Variants in TUSC3 observed in about 807,000 individuals in gnomAD.
The protein encoded by TUSC3 is tumor suppressor candidate 3.
Under a neutral mutation model 44.8 loss-of-function variants are expected in TUSC3, and 45 were observed. That is an observed-to-expected ratio of 1.00 (90% CI 0.79 to 1.29). TUSC3 has a LOEUF of 1.29. TUSC3 is among the 50% of genes most tolerant of loss of function. TUSC3 has a pLI of 0.00. For synonymous variants in TUSC3, 212 were observed against 152.9 expected, an observed-to-expected ratio of 1.39 and a Z score of -2.85; for missense variants, 519 against 437.9, an observed-to-expected ratio of 1.19 and a Z score of -1.65.
rs555995780 is a variant in TUSC3, at chr8:15,499,465, C to A, written n.189+15982C>A. 4.6e-5 allele frequency among the ~76,000 whole-genome samples: 7 copies of A among 152,240 alleles called. No homozygotes were observed. In the East Asian group the frequency reaches 1.4e-3, roughly 29 times the overall value. On this transcript the variant is annotated intron_variant and non_coding_transcript_variant, in intron 2 of 5. Coordinates refer to the TUSC3 transcript ENST00000503191. The stretch of plus-strand genomic sequence containing the variant: ...TGACCTCAGCAATCAGGTAATAATT[C>A]TTCTGATATCTATCACTACAGAGCA...
the TUSC3 span, among the ~76,000 whole-genome samples, chr8:15,827,687 C>T: frequency 6.6e-6 from 1 of 152,012 alleles, no homozygotes; most frequent in African/African-American, 2.4e-5. Context: ...TTTTATAAAC[C>T]AGATTATCTT....
intron 10 of TUSC3, chr8:15,758,333 A>G (rs1209497460): frequency 5.3e-6 from 4 of 747,852 alleles, no homozygotes; most frequent in African/African-American, 1.9e-5. Context: ...TCAGAAACAG[A>G]TAGTAGGTAC....
chr8:15,835,593 GTTTTA>G, the TUSC3 span, among the ~76,000 whole-genome samples: 2 of 152,082 alleles, frequency 1.3e-5, no homozygotes, highest in Admixed American at 1.3e-4. Flanking sequence ...ATAAGTTCAA[GTTTTA>G]TTTTATTGTA....
intron 1 of TUSC3, among the ~76,000 whole-genome samples, chr8:15,433,568 G>A (rs1241632801): frequency 1.3e-5 from 2 of 151,320 alleles, no homozygotes; most frequent in African/African-American, 2.4e-5. Context: ...CCCTTCACAC[G>A]TATACACACA....
chr8:15,558,875 C>T lies in TUSC3; in HGVS notation c.138+18307C>T, dbSNP rs537672057. 1.6e-3 allele frequency among the ~76,000 whole-genome samples: 235 copies of T among 151,128 alleles called. 1 individual carries two copies. The highest frequency in any genetic ancestry group is 5.5e-3 in the African/African-American group (226 of 41,386). ...ATATCCCCTTTATCATTTTTTATTG[C>T]GTCTGTTCGATTCTTCTCTTTTTCT... On this transcript the variant is annotated intron_variant, in intron 1 of 10. Transcript: ENST00000503731.
the TUSC3 span, among the ~76,000 whole-genome samples, chr8:15,824,655 G>T: frequency 6.6e-6 from 1 of 152,114 alleles, no homozygotes; most frequent in South Asian, 2.1e-4. Flanking sequence ...TATACCTAAT[G>T]TTAAATGACG....
At chr8:15,422,073 C>A (rs1483853891) in intron 1 of TUSC3, among the ~76,000 whole-genome samples, 1 of 152,116 alleles carries the variant, frequency 6.6e-6, no homozygotes, top group Non-Finnish European at 1.5e-5. Context: ...CTTTTCTTTA[C>A]CCATCTTTCT....
intron 2 of TUSC3, among the ~76,000 whole-genome samples, chr8:15,632,395 A>G (rs924692363): frequency 6.6e-6 from 1 of 152,176 alleles, no homozygotes; most frequent in Non-Finnish European, 1.5e-5. Context: ...TTCTTATTGT[A>G]TATTATCAGG....
At chr8:15,682,377 T>G (rs1304041933) in intron 6 of TUSC3, among the ~76,000 whole-genome samples, 1 of 152,220 alleles carries the variant, frequency 6.6e-6, no homozygotes, top group Non-Finnish European at 1.5e-5. Flanking sequence ...TTAAGATACT[T>G]AAGTCTTCTG....
chr8:15,623,634 C>A (rs889361739), intron 2 of TUSC3, among the ~76,000 whole-genome samples: 1 of 151,478 alleles, frequency 6.6e-6, no homozygotes, highest in African/African-American at 2.4e-5. Flanking sequence ...ATTTTTGATA[C>A]CGCCAATGAT....
chr8:15,684,955 G>T (rs999308484), intron 6 of TUSC3, among the ~76,000 whole-genome samples: 1 of 152,276 alleles, frequency 6.6e-6, no homozygotes, highest in South Asian at 2.1e-4. Context: ...GGGCCACGGG[G>T]TTACATGGAT....
At chr8:15,684,745 T>A (rs548744110) in intron 6 of TUSC3, among the ~76,000 whole-genome samples, 1 of 152,282 alleles carries the variant, frequency 6.6e-6, no homozygotes, top group South Asian at 2.1e-4. Context: ...CAGCTTGGTA[T>A]CCCTGGGTGG....
At chr8:15,807,855 A>T in the TUSC3 span, among the ~76,000 whole-genome samples, 1 of 152,144 alleles carries the variant, frequency 6.6e-6, no homozygotes, top group East Asian at 1.9e-4. Flanking sequence ...GACACTGGGG[A>T]CTCACAGAAT....
chr8:15,523,648 ATATATATATATATATATGTG>A (rs1333775706), intron 2 of TUSC3, among the ~76,000 whole-genome samples: 35 of 5,786 alleles, frequency 6.0e-3, no homozygotes, highest in African/African-American at 9.8e-3. Context: ...ACATATATAT[ATATATATATATATATATGTG>A]TGTGTGTGTG....
At chr8:15,558,461 A>C in intron 1 of TUSC3, among the ~76,000 whole-genome samples, 1 of 63,490 alleles carries the variant, frequency 1.6e-5, no homozygotes, top group Non-Finnish European at 3.6e-5. Context: ...ATTGGTCTAA[A>C]ATTCTCTTTT....
chr8:15,586,091 G>C (rs569518969), intron 1 of TUSC3, among the ~76,000 whole-genome samples: 1 of 143,284 alleles, frequency 7.0e-6, no homozygotes. Flanking sequence ...TTTTAAAGAT[G>C]GAATGATTAA....
intron 1 of TUSC3, among the ~76,000 whole-genome samples, chr8:15,435,803 T>G (rs913377231): frequency 6.6e-6 from 1 of 152,188 alleles, no homozygotes; most frequent in Non-Finnish European, 1.5e-5. Context: ...AATTTCCATA[T>G]AGAGTTTAAT....
intron 2 of TUSC3, among the ~76,000 whole-genome samples, chr8:15,643,785 G>C (rs1021672249): frequency 6.6e-6 from 1 of 152,164 alleles, no homozygotes; most frequent in African/African-American, 2.4e-5. Context: ...GAGCAACTGT[G>C]TTAGAAGTCT....
At chr8:15,785,714 C>T in the TUSC3 span, among the ~76,000 whole-genome samples, 1 of 152,164 alleles carries the variant, frequency 6.6e-6, no homozygotes, top group African/African-American at 2.4e-5. Flanking sequence ...ATTAATGGGC[C>T]TCACGTGGAG....
Sources: gnomAD v4.1 joint callset for allele counts (sites outside exome capture counted in the v4.1 genomes callset) on GRCh38, gnomAD v4.1.1 for gene constraint, MANE v1.5 for transcripts, NCBI Gene and HGNC (gene_info 2026-07-23, HGNC 2026-07-21) for gene names.